WWP2: variants seen among roughly 807,000 people sequenced by gnomAD.
WWP2 encodes NEDD4-like E3 ubiquitin-protein ligase WWP2.
WWP2 carries 57 observed loss-of-function variants against 121.0 expected under a neutral mutation model. The observed-to-expected ratio is 0.47, with a 90% CI of 0.38 to 0.59. The LOEUF is 0.59. WWP2 is among the 20% of genes least tolerant of loss of function. The pLI is 0.00. For synonymous variants in WWP2, 449 were observed against 441.3 expected, an observed-to-expected ratio of 1.02 and a Z score of -0.22; for missense variants, 962 against 1,158.9, an observed-to-expected ratio of 0.83 and a Z score of 2.47.
chr16:69,933,826 C>G (rs1013091909), intron 16 of WWP2, 144 bp from the exon 17 acceptor site: 2 of 891,500 alleles, frequency 2.2e-6, no homozygotes, highest in African/African-American at 3.4e-5. Flanking sequence ...TATAGGTTAG[C>G]CCGGGTGCTT....
Position 69,857,142 on chromosome 16 carries a change from C to T in WWP2, c.576-14662C>T, listed in dbSNP as rs564702718. ...TTTTTGAGACAGAGTCTCACTCTGT[C>T]GCTCAGGCTGGAGTGCAGTGGCGCC... On this transcript the variant is annotated intron_variant, in intron 6 of 23. Transcript: ENST00000359154. 4.6e-5 allele frequency among the ~76,000 whole-genome samples: 7 copies of T among 152,142 alleles called. No homozygotes were observed. In the East Asian group the frequency reaches 7.8e-4, roughly 17 times the overall value.
intron 9 of WWP2, among the ~76,000 whole-genome samples, chr16:69,913,247 G>C (rs2058427738): frequency 6.7e-6 from 1 of 150,268 alleles, no homozygotes; most frequent in South Asian, 2.1e-4. Flanking sequence ...TGGCCAGGCT[G>C]GTCTCGAACT....
At chr16:69,795,210 G>A (rs111618369) in intron 2 of WWP2, among the ~76,000 whole-genome samples, 5 of 151,338 alleles carry the variant, frequency 3.3e-5, no homozygotes, top group Non-Finnish European at 7.4e-5. Flanking sequence ...CACTCCAGCC[G>A]GTCTACAACT....
intron 1 of WWP2, among the ~76,000 whole-genome samples, chr16:69,782,591 A>G (rs1188020526): frequency 2.6e-5 from 4 of 152,206 alleles, no homozygotes; most frequent in Non-Finnish European, 5.9e-5. Context: ...CTTGATAAGA[A>G]GAGTTTGGTG....
chr16:69,872,190 G>C (rs895353936), intron 7 of WWP2, among the ~76,000 whole-genome samples: 2 of 151,732 alleles, frequency 1.3e-5, no homozygotes, highest in African/African-American at 4.8e-5. Context: ...AAAAAGTCTT[G>C]TCTTTCTATA....
At chr16:69,901,472 G>A (rs1232210633) in intron 8 of WWP2, among the ~76,000 whole-genome samples, 1 of 152,118 alleles carries the variant, frequency 6.6e-6, no homozygotes, top group Non-Finnish European at 1.5e-5. Flanking sequence ...GGGTGCAGTG[G>A]CGCGATCTCA....
chr16:69,819,188 T>A (rs986052765), intron 4 of WWP2, among the ~76,000 whole-genome samples: 1 of 152,220 alleles, frequency 6.6e-6, no homozygotes, highest in African/African-American at 2.4e-5. Context: ...TTGACTGTTA[T>A]TGCAAAGGCC....
intron 4 of WWP2, among the ~76,000 whole-genome samples, chr16:69,803,844 G>T (rs1206393058): frequency 6.6e-6 from 1 of 152,166 alleles, no homozygotes; most frequent in African/African-American, 2.4e-5. Context: ...GGAGGCGAAG[G>T]TTGCAGTGAG....
At chr16:69,906,855 G>A (rs183193523) in intron 8 of WWP2, among the ~76,000 whole-genome samples, 455 of 152,148 alleles carry the variant, frequency 3.0e-3, no homozygotes, top group Non-Finnish European at 5.1e-3. Context: ...ACTCCAGCTC[G>A]GGCAACAGAG....
chr16:69,868,748 C>T (rs2057577108), intron 6 of WWP2, among the ~76,000 whole-genome samples: 1 of 152,120 alleles, frequency 6.6e-6, no homozygotes. Context: ...CTGAGGGCTG[C>T]CTGCCTTTCC....
At chr16:69,842,229 C>T in intron 6 of WWP2, 109 bp downstream of exon 6, 1 of 1,071,812 alleles carries the variant, frequency 9.3e-7, no homozygotes, top group Non-Finnish European at 1.4e-6. Flanking sequence ...TTGGAGATTT[C>T]CAGAGATCTT....
chr16:69,900,083 A>G (rs2058179315), intron 8 of WWP2, among the ~76,000 whole-genome samples: 1 of 152,212 alleles, frequency 6.6e-6, no homozygotes, highest in Non-Finnish European at 1.5e-5. Flanking sequence ...TAACTGCTGT[A>G]ATATGACGTA....
At chr16:69,827,911 A>T (rs1292242356) in intron 4 of WWP2, 1 of 456,010 alleles carries the variant, frequency 2.2e-6, no homozygotes, top group Non-Finnish European at 4.4e-6. Context: ...TTAAAAAATT[A>T]AAATATGCTA....
chr16:69,891,395 A>G (rs760528299), intron 8 of WWP2, among the ~76,000 whole-genome samples: 14 of 152,300 alleles, frequency 9.2e-5, no homozygotes, highest in Middle Eastern at 3.4e-3. Flanking sequence ...TCTCTTAGGA[A>G]CTGCATCTTC....
chr16:69,808,711 C>G (rs1013281403), intron 4 of WWP2, among the ~76,000 whole-genome samples: 1 of 152,168 alleles, frequency 6.6e-6, no homozygotes, highest in Non-Finnish European at 1.5e-5. Context: ...CATGGCCTGT[C>G]TTTGTATTTG....
intron 6 of WWP2, among the ~76,000 whole-genome samples, chr16:69,847,652 C>T (rs1370889755): frequency 6.6e-6 from 1 of 152,108 alleles, no homozygotes; most frequent in Admixed American, 6.6e-5. Context: ...AGGTGATCTG[C>T]CCGCCTCGGC....
At chr16:69,904,850 A>G (rs867079092) in intron 8 of WWP2, among the ~76,000 whole-genome samples, 3 of 152,348 alleles carry the variant, frequency 2.0e-5, no homozygotes, top group Middle Eastern at 6.8e-3. Flanking sequence ...ACATCCCTAC[A>G]TGCTATTTAA....
intron 2 of WWP2, among the ~76,000 whole-genome samples, chr16:69,795,271 C>CAT (rs931896432): frequency 4.6e-5 from 7 of 151,550 alleles, no homozygotes; most frequent in African/African-American, 1.7e-4. Context: ...CACACACACA[C>CAT]ACACACACAC....
chr16:69,936,451 A>G lies in WWP2; in HGVS notation c.2116A>G (p.Met706Val). 2 of 1,613,952 alleles carry G rather than the reference A, an allele frequency of 1.2e-6. No homozygotes were observed. Among genetic ancestry groups the G allele is most frequent in the Non-Finnish European group, 1.7e-6 (2 of 1,179,970 alleles). Residue 706 changes from methionine (M) to valine (V), a missense_variant and splice_region_variant, in exon 19 of 24, where the codon ATG (methionine) becomes GTG (valine). Around this residue, in one of 3 missense-constraint regions of WWP2, gnomAD observed 606 missense variants for 772.6 expected, o/e 0.78. Coordinates refer to ENST00000359154, the MANE Select transcript of WWP2 (RefSeq NM_001270454.2). ...VTEENKEEYI[M>V]LLTDWRFTRG... ...AGAGGAGAACAAGGAAGAGTACATC[A>G]TGTGAGTCTCAGGCGCCGGGGGCTC...
Sources: allele counts gnomAD v4.1 joint callset (sites outside exome capture counted in the v4.1 genomes callset), GRCh38; gene constraint gnomAD v4.1.1; regional missense constraint gnomAD v4.1.1; transcripts MANE v1.5; gene names NCBI Gene and HGNC (gene_info 2026-07-23, HGNC 2026-07-21).